DGCR8: variants seen among roughly 807,000 people sequenced by gnomAD.
The protein encoded by DGCR8 is DGCR8 microprocessor complex subunit.
DGCR8 carries 14 observed loss-of-function variants against 78.5 expected under a neutral mutation model. The ratio of observed to expected loss-of-function variants is 0.18; its 90% CI spans 0.12 to 0.28. The LOEUF (loss-of-function observed/expected upper bound fraction) is 0.28. Ranked by LOEUF, DGCR8 falls within the 10% of genes least tolerant of loss-of-function variation. The pLI, the probability that DGCR8 is intolerant of heterozygous loss-of-function variation, is 1.00. For synonymous variants in DGCR8, 399 were observed against 402.4 expected (o/e 0.99, Z 0.10); for missense variants, 702 against 1,022.5 (o/e 0.69, Z 4.28).
chr22:20,085,624 T>C lies in DGCR8; in HGVS notation c.-277-63T>C, dbSNP rs2302497. 55,883 of 1,252,826 alleles carry C rather than the reference T, an allele frequency of 0.045. 2,661 individuals carry two copies. The highest frequency in any genetic ancestry group is 0.23 in the African/African-American group (14,733 of 64,366). 77.6% of individuals were successfully genotyped at this position (1,252,826 alleles called of 1,614,324 possible). ...CTGTTAATAGTGCTTGGCTTTTAAC[T>C]TGGTACCAGGGAATTGGAAGGTTTC... is the stretch of plus-strand genomic sequence containing the variant. On this transcript the variant is annotated intron_variant, in intron 1 of 13. Coordinates refer to ENST00000351989, the MANE Select transcript of DGCR8 (RefSeq NM_022720.7). The surrounding 1 kb of genome is among the most constrained non-coding windows in gnomAD (Gnocchi z 6.2).
rs754828747 is a variant in DGCR8, at chr22:20,106,285, AG to A, written c.1889+14del. On this transcript the variant is annotated intron_variant, in intron 10 of 13. Coordinates refer to ENST00000351989, the MANE Select transcript of DGCR8 (RefSeq NM_022720.7). ...CCACGAGTGCCTTAAAAGGTAGGGT[AG>A]GGGGGTGCCTCCCCCCATGAGTCAG... 7 of 1,609,524 alleles carry A rather than the reference AG, an allele frequency of 4.3e-6. No homozygotes were observed. The highest frequency in any genetic ancestry group is 2.2e-5 in the South Asian group (2 of 90,994).
intron 1 of DGCR8, among the ~76,000 whole-genome samples, chr22:20,083,604 G>A (rs904599803): frequency 6.6e-6 from 1 of 152,044 alleles, no homozygotes; most frequent in Admixed American, 6.6e-5. Flanking sequence ...GTGGTAGCAG[G>A]CTTCCCCATT....
chr22:20,090,037 A>C lies in DGCR8; in HGVS notation c.1085A>C (p.Glu362Ala). 1 of 1,614,222 alleles carries C rather than the reference A, an allele frequency of 6.2e-7. No homozygotes were observed. The highest frequency in any genetic ancestry group is 8.5e-7 in the Non-Finnish European group (1 of 1,180,038). Residue 362 changes from glutamate to alanine, a missense_variant, in exon 5 of 14, where the codon GAG becomes GCG. By Grantham distance (107) the Glu-to-Ala change is moderately radical. Transcript: ENST00000351989. ...CATTATAAGAAAATGAAGGACAACGAGGAACGGGAGCAAAGCAGTGACCTC... is the reference window on the plus strand; with the variant it reads ...CATTATAAGAAAATGAAGGACAACGCGGAACGGGAGCAAAGCAGTGACCTC... ...CLHYKKMKDNEEREQSSDLTP... is the reference protein window; with the variant it reads ...CLHYKKMKDNAEREQSSDLTP...
At chr22:20,105,401 C>A (rs1287698300) in intron 9 of DGCR8, among the ~76,000 whole-genome samples, 1 of 152,220 alleles carries the variant, frequency 6.6e-6, no homozygotes, top group African/African-American at 2.4e-5. Context: ...CACAGGAGCT[C>A]CACCAGGGAG....
rs143409583 is a variant in DGCR8, at chr22:20,086,907, C to G, written c.720+224C>G. ...TTGGCCCATGGGTAGGCCCTGCATC[C>G]CTGATCTAGCGCGTGGGGCAGCAGG... On this transcript the variant is annotated intron_variant, in intron 2 of 13. Coordinates refer to ENST00000351989, the MANE Select transcript of DGCR8 (RefSeq NM_022720.7). This position sits in a 1 kb window ranked among gnomAD's most constrained non-coding sequence, Gnocchi z 6.4. 3.7e-4 allele frequency: 274 copies of G among 737,288 alleles called. 1 individual carries two copies. The highest frequency in any genetic ancestry group is 5.1e-4 in the Non-Finnish European group (237 of 468,408). The allele number at this position is 737,288 out of a possible 1,614,324, so 45.7% of individuals were successfully genotyped here.
chr22:20,087,537 C>T lies in DGCR8; in HGVS notation c.880+216C>T, dbSNP rs1252194987. ...CGGATCCTGGTGTGTGCTATGGAAA[C>T]CACAGAGCAGCAGGCACTGTGCAGA... is the stretch of plus-strand genomic sequence containing the variant. On this transcript the variant is annotated intron_variant, in intron 3 of 13. Transcript: ENST00000351989. The surrounding 1 kb of genome is among the most constrained non-coding windows in gnomAD (Gnocchi z 4.1). Among the ~76,000 whole-genome samples, 1 of 152,054 alleles carries T rather than the reference C, an allele frequency of 6.6e-6. No homozygotes were observed. Among genetic ancestry groups the T allele is most frequent in the Non-Finnish European group, 1.5e-5 (1 of 68,014 alleles).
At position 20,111,332 on chromosome 22, in the gene DGCR8, C is replaced by T; in HGVS notation, c.*1224C>T. The stretch of plus-strand genomic sequence containing the variant: ...CCAGCGTTCTGCCGTGTCTGTCCCC[C>T]ACCATGCCCCCTACAGGCGGTACTG... On this transcript the variant is annotated 3_prime_UTR_variant, in exon 14 of 14. Transcript: ENST00000351989. 1 of 398,316 alleles carries T rather than the reference C, an allele frequency of 2.5e-6. No homozygotes were observed. The highest frequency in any genetic ancestry group is 4.4e-5 in the Admixed American group (1 of 22,694). 24.7% of individuals were successfully genotyped at this position (398,316 alleles called of 1,614,324 possible).
chr22:20,099,955 A>G (rs1005588028), intron 9 of DGCR8, among the ~76,000 whole-genome samples: 1 of 151,894 alleles, frequency 6.6e-6, no homozygotes, highest in African/African-American at 2.4e-5. Context: ...AAGTTTCTAC[A>G]TGTTTTCTGT....
At chr22:20,097,049 A>T (rs1313285337) in intron 9 of DGCR8, among the ~76,000 whole-genome samples, 1 of 151,964 alleles carries the variant, frequency 6.6e-6, no homozygotes, top group East Asian at 1.9e-4. Context: ...GATTTTTTTA[A>T]TATGTTGCTG....
At position 20,111,706 on chromosome 22, in the gene DGCR8, G is replaced by GCGGGGGCCC. The variant is rs2049850193; in HGVS notation, c.*1599_*1600insGGGGGCCCC. The GCGGGGGCCC allele has an allele frequency of 1.6e-5, 1 of 63,040 alleles. No individual in the cohort carries two copies. Among genetic ancestry groups the GCGGGGGCCC allele is most frequent in the Non-Finnish European group, 3.0e-5 (1 of 33,560 alleles). The allele number at this position is 63,040 out of a possible 1,614,324, so 3.9% of individuals were successfully genotyped here. A position where few individuals can be genotyped will look rare whatever the true frequency, so the allele number is the denominator to read the frequency against. ...TGCCATACTCTTGTGGTCTCTGTGC[G>GCGGGGGCCC]CCCCCCCCCCCCCCCCACCCGTCTG... On this transcript the variant is annotated 3_prime_UTR_variant, in exon 14 of 14. Coordinates refer to ENST00000351989, the MANE Select transcript of DGCR8 (RefSeq NM_022720.7).
In DGCR8 at chr22:20,094,805, G is replaced by A; in HGVS notation, c.1788+10G>A. 1 of 1,613,262 alleles carries A rather than the reference G, an allele frequency of 6.2e-7. No individual in the cohort carries two copies. The highest frequency in any genetic ancestry group is 1.1e-5 in the South Asian group (1 of 91,072). On this transcript the variant is annotated intron_variant, in intron 9 of 13. Transcript: ENST00000351989. ...CAGTGAAGAACTCGAGGTGAGTGTT[G>A]TGGTCCTGCCCTGCTGGGAGCTGTG...
chr22:20,108,872 A>C lies in DGCR8; in HGVS notation c.2125-18A>C. On this transcript the variant is annotated intron_variant, in intron 12 of 13. Transcript: ENST00000351989. Reference sequence around the variant, plus strand: ...GCTACAGCCTGCAGTCCTGAGCGTGAGGTGCTATACTTCCCAGGAGACATC... The same window carrying C: ...GCTACAGCCTGCAGTCCTGAGCGTGCGGTGCTATACTTCCCAGGAGACATC... The C allele has an allele frequency of 7.5e-7, 1 of 1,334,884 alleles. No individual in the cohort carries two copies. The highest frequency in any genetic ancestry group is 1.2e-5 in the South Asian group (1 of 85,308). The allele number at this position is 1,334,884 out of a possible 1,614,324, so 82.7% of individuals were successfully genotyped here.
Position 20,106,715 on chromosome 22 carries a change from T to G in DGCR8, c.1996+17T>G. On this transcript the variant is annotated intron_variant, in intron 11 of 13. Transcript: ENST00000351989. ...GCGGGTGGTGTAAGGACTCCTTCTCTGCTGCCTGGTGGCCGCTGGGCGGGC... is the reference window on the plus strand; with the variant it reads ...GCGGGTGGTGTAAGGACTCCTTCTCGGCTGCCTGGTGGCCGCTGGGCGGGC... The G allele has an allele frequency of 6.3e-7, 1 of 1,582,034 alleles. No homozygotes were observed. The highest frequency in any genetic ancestry group is 8.7e-7 in the Non-Finnish European group (1 of 1,150,992).
At chr22:20,109,232 G>A in intron 13 of DGCR8, 1 of 418,316 alleles carries the variant, frequency 2.4e-6, no homozygotes, top group Non-Finnish European at 4.5e-6. Flanking sequence ...CAGCCTGTTG[G>A]TGGACCATGA....
chr22:20,103,138 T>TAA (rs74748895), intron 9 of DGCR8, among the ~76,000 whole-genome samples: 82 of 142,144 alleles, frequency 5.8e-4, no homozygotes, highest in African/African-American at 2.0e-3. Flanking sequence ...AACCCCATCT[T>TAA]AAAAAAAAAA....
intron 9 of DGCR8, among the ~76,000 whole-genome samples, chr22:20,104,269 A>G (rs940957966): frequency 1.3e-5 from 2 of 149,732 alleles, no homozygotes; most frequent in African/African-American, 5.0e-5. Flanking sequence ...GGTTCACGCC[A>G]TTCTCCTGCC....
chr22:20,101,350 G>A, intron 9 of DGCR8: 1 of 912,864 alleles, frequency 1.1e-6, no homozygotes. Flanking sequence ...GCCGAGGCGG[G>A]CAGATTACGA....
intron 11 of DGCR8, 121 bp from the exon 12 acceptor site, chr22:20,107,150 C>T: frequency 9.1e-7 from 1 of 1,102,758 alleles, no homozygotes; most frequent in South Asian, 1.3e-5. Context: ...CTGCCTATTC[C>T]TGTAGAATGT....
chr22:20,111,093 G>A lies in DGCR8; in HGVS notation c.*985G>A. ...TGTAGCCCATTCTTGATCCAGAGCTGTTGCCTGTGACAGCGGTTTCTCTGG... is the reference window on the plus strand; with the variant it reads ...TGTAGCCCATTCTTGATCCAGAGCTATTGCCTGTGACAGCGGTTTCTCTGG... On this transcript the variant is annotated 3_prime_UTR_variant, in exon 14 of 14. Coordinates refer to ENST00000351989, the MANE Select transcript of DGCR8 (RefSeq NM_022720.7). 2 of 398,130 alleles carry A rather than the reference G, an allele frequency of 5.0e-6. No individual in the cohort carries two copies. The highest frequency in any genetic ancestry group is 3.6e-5 in the East Asian group (1 of 28,082). 24.7% of individuals were successfully genotyped at this position (398,130 alleles called of 1,614,324 possible).
Sources: gnomAD v4.1 joint callset for allele counts (sites outside exome capture counted in the v4.1 genomes callset) on GRCh38, gnomAD v4.1.1 for gene constraint, Gnocchi (gnomAD v3.1) non-coding constraint, MANE v1.5 for transcripts, NCBI Gene and HGNC (gene_info 2026-07-23, HGNC 2026-07-21) for gene names.